The following EGR3 variants were observed in gnomAD, a reference collection of about 807,000 sequenced individuals.
EGR3 encodes early growth response protein 3.
In EGR3, 4 loss-of-function variants were observed where a neutral mutation model predicts 22.4. That is an observed-to-expected ratio of 0.18 (90% CI 0.09 to 0.41). The LOEUF (loss-of-function observed/expected upper bound fraction) is 0.41. Ranked by LOEUF, EGR3 falls within the 10% of genes least tolerant of loss-of-function variation. The probability of loss-of-function intolerance (pLI) is 1.00; values close to 1 mark genes in which losing one functional copy is unlikely to be tolerated. For synonymous variants in EGR3, 219 were observed against 226.8 expected (o/e 0.97, Z 0.31); for missense variants, 315 against 541.3 (o/e 0.58, Z 4.15).
chr8:22,691,555 T>G, intron 1 of EGR3, 73 bp from the exon 2 acceptor site: 10 of 1,561,390 alleles, frequency 6.4e-6, no homozygotes, highest in Non-Finnish European at 8.7e-6. Flanking sequence ...GCCCAGGTCC[T>G]TGCCCAGGTG....
At chr8:22,691,840 C>A in intron 1 of EGR3, 5 of 985,404 alleles carry the variant, frequency 5.1e-6, no homozygotes, top group Non-Finnish European at 6.0e-6. Flanking sequence ...ACCCGGAGCG[C>A]GCTGGGCTCT....
Position 22,693,004 on chromosome 8 carries a change from C to G in EGR3, c.-60G>C. The G allele has an allele frequency of 1.3e-6, 2 of 1,521,968 alleles. No homozygotes were observed. The highest frequency in any genetic ancestry group is 1.8e-4 in the Middle Eastern group (1 of 5,520). 94.3% of individuals were successfully genotyped at this position (1,521,968 alleles called of 1,614,324 possible). The stretch of plus-strand genomic sequence containing the variant: ...CGCCACCGCCGCCGCTCGCTCCTAA[C>G]GCAGCTTCCAGGCAAGCGGCATCCG... On this transcript the variant is annotated 5_prime_UTR_variant, in exon 1 of 2. Transcript: ENST00000317216.
In EGR3 at chr8:22,690,998, C is replaced by A; in HGVS notation, c.639G>T (p.Gln213His). 1 of 1,581,880 alleles carries A rather than the reference C, an allele frequency of 6.3e-7. No individual in the cohort carries two copies. Among genetic ancestry groups the A allele is most frequent in the Non-Finnish European group, 8.6e-7 (1 of 1,161,278 alleles). The change falls in exon 2 of 2, where the codon CAG becomes CAT. Residue 213 changes from glutamine (Q) to histidine (H), a missense_variant. Transcript: ENST00000317216. ...GGTTGACCCGGATGGGGTCCATGCC[C>A]TGGAAGGGCTTGTGCTCCGGAATGG... ...MGSIPEHKPFQGMDPIRVNPP... is the reference protein window; with the variant it reads ...MGSIPEHKPFHGMDPIRVNPP...
rs1030050787 is a variant in EGR3 at position 22,692,371 on chromosome 8, G to T, written c.154+420C>A. The T allele has an allele frequency of 3.0e-5, 44 of 1,468,568 alleles. No homozygotes were observed. In the African/African-American group the frequency reaches 6.1e-4, roughly 20 times the overall value. 91.0% of individuals were successfully genotyped at this position (1,468,568 alleles called of 1,614,324 possible). A position where few individuals can be genotyped will look rare whatever the true frequency, so the allele number is the denominator to read the frequency against. ...GGTGGGAGGCTGAGGGAGTAAGGGG[G>T]GAGAGCGCGGGTGAAAAAGACGCCG... On this transcript the variant is annotated intron_variant, in intron 1 of 1. Coordinates refer to ENST00000317216, the MANE Select transcript of EGR3 (RefSeq NM_004430.3). This position sits in a 1 kb window ranked among gnomAD's most constrained non-coding sequence, Gnocchi z 6.2.
At position 22,691,440 on chromosome 8, in the gene EGR3, G is replaced by A; in HGVS notation, c.197C>T (p.Pro66Leu). The change falls in exon 2 of 2, where the codon CCG (proline) becomes CTG (leucine). Residue 66 changes from proline to leucine, a missense_variant. By Grantham distance (98) the Pro-to-Leu change is moderately conservative (BLOSUM62 -3). Coordinates refer to ENST00000317216, the MANE Select transcript of EGR3 (RefSeq NM_004430.3). ...DIGLTNEKPN[P>L]ELSYSGSFQP... ...GAAGGAGCCGGAGTAAGAGAGTTCC[G>A]GGTTGGGCTTCTCGTTGGTCAGACC... The A allele has an allele frequency of 6.2e-7, 1 of 1,614,176 alleles. No homozygotes were observed. The highest frequency in any genetic ancestry group is 1.1e-5 in the South Asian group (1 of 91,078).
rs915559516 is a variant in EGR3, at chr8:22,689,006, T to A, written c.*1467A>T. ...ATGTGTATATGTGTATACACACATA[T>A]CCATACATAGATGTGTATATGTGTA... On this transcript the variant is annotated 3_prime_UTR_variant, in exon 2 of 2. Coordinates refer to ENST00000317216, the MANE Select transcript of EGR3 (RefSeq NM_004430.3). 3 of 152,656 alleles carry A rather than the reference T, an allele frequency of 2.0e-5. No individual in the cohort carries two copies. Among genetic ancestry groups the A allele is most frequent in the African/African-American group, 7.2e-5 (3 of 41,466 alleles). 9.5% of individuals were successfully genotyped at this position (152,656 alleles called of 1,614,324 possible). A position where few individuals can be genotyped will look rare whatever the true frequency, so the allele number is the denominator to read the frequency against.
In EGR3 at chr8:22,688,937, T is replaced by A. The variant is rs1018373373; in HGVS notation, c.*1536A>T. 2 of 152,688 alleles carry A rather than the reference T, an allele frequency of 1.3e-5. No homozygotes were observed. The highest frequency in any genetic ancestry group is 4.8e-5 in the African/African-American group (2 of 41,526). 9.5% of individuals were successfully genotyped at this position (152,688 alleles called of 1,614,324 possible). A position where few individuals can be genotyped will look rare whatever the true frequency, so the allele number is the denominator to read the frequency against. On this transcript the variant is annotated 3_prime_UTR_variant, in exon 2 of 2. Coordinates refer to ENST00000317216, the MANE Select transcript of EGR3 (RefSeq NM_004430.3). ...GAGACACCTCATTCATCCACATGGA[T>A]TCATGAAAAAATCCCCATATCTTTG...
chr8:22,692,041 G>A lies in EGR3; in HGVS notation c.155-559C>T. 2 of 1,309,600 alleles carry A rather than the reference G, an allele frequency of 1.5e-6. No homozygotes were observed. The highest frequency in any genetic ancestry group is 1.9e-6 in the Non-Finnish European group (2 of 1,030,672). 81.1% of individuals were successfully genotyped at this position (1,309,600 alleles called of 1,614,324 possible). ...AGGGAGCTCTCCCTTCACCTACCCCGGCCCCAGCCTCCTCGGGCATGAAGG... is the reference window on the plus strand; with the variant it reads ...AGGGAGCTCTCCCTTCACCTACCCCAGCCCCAGCCTCCTCGGGCATGAAGG... On this transcript the variant is annotated intron_variant, in intron 1 of 1. Transcript: ENST00000317216. This position sits in a 1 kb window ranked among gnomAD's most constrained non-coding sequence, Gnocchi z 6.2.
rs1350687416 is a variant in EGR3 at position 22,691,429 on chromosome 8, AAG to A, written c.206_207del (p.Ser69LeufsTer35). 4 of 1,614,098 alleles carry A rather than the reference AAG, an allele frequency of 2.5e-6. No homozygotes were observed. The highest frequency in any genetic ancestry group is 1.7e-4 in the Middle Eastern group (1 of 6,060). ...LTNEKPNPEL[S>X]YSGSFQPAPG... ...GGGGCTGGCTGGAAGGAGCCGGAGT[AAG>A]AGAGTTCCGGGTTGGGCTTCTCGTT... On this transcript the variant is annotated frameshift_variant, in exon 2 of 2. Coordinates refer to ENST00000317216, the MANE Select transcript of EGR3 (RefSeq NM_004430.3). LOFTEE classifies it high-confidence loss of function.
Position 22,692,761 on chromosome 8 carries a change from G to A in EGR3, c.154+30C>T, listed in dbSNP as rs369825179. 23 of 1,610,298 alleles carry A rather than the reference G, an allele frequency of 1.4e-5. No individual in the cohort carries two copies. Among genetic ancestry groups the A allele is most frequent in the Non-Finnish European group, 1.7e-5 (20 of 1,178,878 alleles). On this transcript the variant is annotated intron_variant, in intron 1 of 1. Coordinates refer to ENST00000317216, the MANE Select transcript of EGR3 (RefSeq NM_004430.3). The surrounding 1 kb of genome is among the most constrained non-coding windows in gnomAD (Gnocchi z 6.2). ...CCTCTTCCTCTCCCCTTCCTTCCTC[G>A]CTGCCTCGCCGCCTCCCCGCCGCCC... is the stretch of plus-strand genomic sequence containing the variant.
rs376367922 is a variant in EGR3, at chr8:22,691,458, G to T, written c.179C>A (p.Thr60Asn). 3.1e-6 allele frequency: 5 copies of T among 1,613,980 alleles called. No individual in the cohort carries two copies. The highest frequency in any genetic ancestry group is 1.6e-4 in the Middle Eastern group (1 of 6,080). ...ATENVMDIGL[T>N]NEKPNPELSY... ...GAGTTCCGGGTTGGGCTTCTCGTTG[G>T]TCAGACCGATGTCCATTACATTCTC... Residue 60 changes from threonine to asparagine, a missense_variant, in exon 2 of 2, where the codon ACC becomes AAC. Thr to Asn is a moderately conservative substitution (Grantham distance 65). Coordinates refer to ENST00000317216, the MANE Select transcript of EGR3 (RefSeq NM_004430.3).
Position 22,690,100 on chromosome 8 carries a change from A to G in EGR3, c.*373T>C. ...GTATAGAGGGAGACGTGGGGGAAAC[A>G]ATGAGGTGTTTGGGTCGGGCGAGGG... On this transcript the variant is annotated 3_prime_UTR_variant, in exon 2 of 2. Transcript: ENST00000317216. 1 of 268,082 alleles carries G rather than the reference A, an allele frequency of 3.7e-6. No individual in the cohort carries two copies. The highest frequency in any genetic ancestry group is 7.1e-6 in the Non-Finnish European group (1 of 141,218). The allele number at this position is 268,082 out of a possible 1,614,324, so 16.6% of individuals were successfully genotyped here.
Position 22,691,265 on chromosome 8 carries a change from C to G in EGR3, c.372G>C (p.Thr124=). The change falls in exon 2 of 2, where the codon ACG becomes ACC. Residue 124 remains threonine, a synonymous_variant. Transcript: ENST00000317216. ...GTGGCTGCACCATGCTGGCCGTGGA[C>G]GTCTGCGTGCTGAGCGCCCCTGAAG... ...PPASGALSTQ[T]STASMVQPPQ... is the part of the protein sequence containing the mutation. The G allele has an allele frequency of 6.2e-7, 1 of 1,613,996 alleles. No homozygotes were observed. Among genetic ancestry groups the G allele is most frequent in the Non-Finnish European group, 8.5e-7 (1 of 1,180,010 alleles).
In EGR3 at chr8:22,691,447, G is replaced by A; in HGVS notation, c.190C>T (p.Pro64Ser). 1.9e-6 allele frequency: 3 copies of A among 1,614,162 alleles called. No individual in the cohort carries two copies. The highest frequency in any genetic ancestry group is 2.5e-6 in the Non-Finnish European group (3 of 1,180,034). ...CCGGAGTAAGAGAGTTCCGGGTTGG[G>A]CTTCTCGTTGGTCAGACCGATGTCC... is the stretch of plus-strand genomic sequence containing the variant. ...VMDIGLTNEK[P>S]NPELSYSGSF... Residue 64 changes from proline to serine, a missense_variant, in exon 2 of 2, where the codon CCC becomes TCC. Pro to Ser is a moderately conservative substitution (Grantham distance 74, BLOSUM62 -1). Around this residue, in one of 4 missense-constraint regions of EGR3, gnomAD observed 227 missense variants for 303.6 expected, o/e 0.75. Transcript: ENST00000317216.
In EGR3 at chr8:22,688,411, G is replaced by C. The variant is rs914469548; in HGVS notation, c.*2062C>G. 4 of 152,496 alleles carry C rather than the reference G, an allele frequency of 2.6e-5. No individual in the cohort carries two copies. Among genetic ancestry groups the C allele is most frequent in the Admixed American group, 2.6e-4 (4 of 15,266 alleles). 9.4% of individuals were successfully genotyped at this position (152,496 alleles called of 1,614,324 possible). A position where few individuals can be genotyped will look rare whatever the true frequency, so the allele number is the denominator to read the frequency against. ...GCAAAATACTGTCTCTGCAAAGAAA[G>C]ATTTTACCCTTCAGCTGAAAAAATA... is the stretch of plus-strand genomic sequence containing the variant. On this transcript the variant is annotated 3_prime_UTR_variant, in exon 2 of 2. Transcript: ENST00000317216.
In EGR3 at chr8:22,692,770, C is replaced by T. The variant is rs770267755; in HGVS notation, c.154+21G>A. On this transcript the variant is annotated intron_variant, in intron 1 of 1. Coordinates refer to ENST00000317216, the MANE Select transcript of EGR3 (RefSeq NM_004430.3). This position sits in a 1 kb window ranked among gnomAD's most constrained non-coding sequence, Gnocchi z 6.2. Reference sequence around the variant, plus strand: ...CTCCCCTTCCTTCCTCGCTGCCTCGCCGCCTCCCCGCCGCCCTTACCTGTA... The same window carrying T: ...CTCCCCTTCCTTCCTCGCTGCCTCGTCGCCTCCCCGCCGCCCTTACCTGTA... 11 of 1,612,408 alleles carry T rather than the reference C, an allele frequency of 6.8e-6. No homozygotes were observed. The Admixed American group carries it at 1.3e-4, about 20-fold the overall frequency.
In EGR3 at chr8:22,692,676, C is replaced by CCAT. The variant is rs1804011205; in HGVS notation, c.154+114_154+115insATG. 2.9e-6 allele frequency: 4 copies of CCAT among 1,373,378 alleles called. No homozygotes were observed. The highest frequency in any genetic ancestry group is 2.5e-5 in the East Asian group (1 of 40,046). The allele number at this position is 1,373,378 out of a possible 1,614,324, so 85.1% of individuals were successfully genotyped here. A position where few individuals can be genotyped will look rare whatever the true frequency, so the allele number is the denominator to read the frequency against. On this transcript the variant is annotated intron_variant, in intron 1 of 1. Coordinates refer to ENST00000317216, the MANE Select transcript of EGR3 (RefSeq NM_004430.3). This position sits in a 1 kb window ranked among gnomAD's most constrained non-coding sequence, Gnocchi z 6.2. ...ATCCATTTATCTATCCACCCATCCA[C>CCAT]CCATCCATCCATCCATCCATCCATC...
chr8:22,692,464 T>C lies in EGR3; in HGVS notation c.154+327A>G. ...TAGCCCGGCGATCGGGCCCCCTGCG[T>C]GGTGAGGGAGAACCCCAGAGCCGCT... On this transcript the variant is annotated intron_variant, in intron 1 of 1. Transcript: ENST00000317216. This position sits in a 1 kb window ranked among gnomAD's most constrained non-coding sequence, Gnocchi z 6.2. 7.0e-7 allele frequency: 1 copy of C among 1,423,286 alleles called. No homozygotes were observed. Among genetic ancestry groups the C allele is most frequent in the Non-Finnish European group, 9.1e-7 (1 of 1,093,450 alleles). 88.2% of individuals were successfully genotyped at this position (1,423,286 alleles called of 1,614,324 possible). A position where few individuals can be genotyped will look rare whatever the true frequency, so the allele number is the denominator to read the frequency against.
At chr8:22,691,613 C>G in intron 1 of EGR3, 131 bp from the exon 2 acceptor site, 1 of 1,440,048 alleles carries the variant, frequency 6.9e-7, no homozygotes, top group South Asian at 1.4e-5. Flanking sequence ...GTAAGAGGAA[C>G]GCTGAGCCCC....
Sources: allele counts gnomAD v4.1 joint callset, GRCh38; gene constraint gnomAD v4.1.1; regional missense constraint gnomAD v4.1.1; non-coding constraint Gnocchi (gnomAD v3.1); transcripts MANE v1.5; gene names NCBI Gene and HGNC (gene_info 2026-07-23, HGNC 2026-07-21).